Variants in PTPRT observed in about 807,000 individuals in gnomAD.
The protein encoded by PTPRT is receptor-type tyrosine-protein phosphatase T.
Under a neutral mutation model 176.8 loss-of-function variants are expected in PTPRT, and 56 were observed. The ratio of observed to expected loss-of-function variants is 0.32; its 90% CI spans 0.26 to 0.40. The LOEUF is 0.40. PTPRT is among the 10% of genes least tolerant of loss of function. The pLI is 1.00. For synonymous variants in PTPRT, 783 were observed against 739.0 expected, an observed-to-expected ratio of 1.06 and a Z score of -0.96; for missense variants, 1,540 against 1,908.2, an observed-to-expected ratio of 0.81 and a Z score of 3.60.
At chr20:42,168,352 G>A (rs1989921390) in intron 16 of PTPRT, among the ~76,000 whole-genome samples, 2 of 152,174 alleles carry the variant, frequency 1.3e-5, no homozygotes, top group Admixed American at 1.3e-4. Flanking sequence ...GATCATGATT[G>A]ATCATCATCA....
At chr20:43,127,735 C>T (rs2013500379) in intron 1 of PTPRT, among the ~76,000 whole-genome samples, 1 of 152,146 alleles carries the variant, frequency 6.6e-6, no homozygotes, top group Non-Finnish European at 1.5e-5. Flanking sequence ...TCCACCTGGG[C>T]ATTCCAAAGA....
intron 13 of PTPRT, among the ~76,000 whole-genome samples, chr20:42,263,236 T>G (rs1378884708): frequency 6.6e-6 from 1 of 152,070 alleles, no homozygotes; most frequent in African/African-American, 2.4e-5. Flanking sequence ...TTTCTTTTTT[T>G]TGAGACTGGG....
At chr20:42,416,971 A>C (rs2145755687) in intron 9 of PTPRT, among the ~76,000 whole-genome samples, 1 of 152,304 alleles carries the variant, frequency 6.6e-6, no homozygotes, top group East Asian at 1.9e-4. Flanking sequence ...TTAGAGTCTT[A>C]GAAATGCTAT....
chr20:42,484,955 C>T (rs2071442934), intron 7 of PTPRT, among the ~76,000 whole-genome samples: 1 of 152,188 alleles, frequency 6.6e-6, no homozygotes, highest in Non-Finnish European at 1.5e-5. Flanking sequence ...CTCTCTGCCC[C>T]ATCCAGATGC....
intron 17 of PTPRT, among the ~76,000 whole-genome samples, chr20:42,148,954 C>A (rs990712595): frequency 2.0e-5 from 3 of 152,172 alleles, no homozygotes; most frequent in South Asian, 2.1e-4. Context: ...CAAAGCCTCA[C>A]CTCCTTAGGG....
intron 22 of PTPRT, 44 bp from the exon 23 acceptor site, chr20:42,110,531 C>T (rs2146293134): frequency 1.9e-6 from 3 of 1,546,608 alleles, no homozygotes; most frequent in Non-Finnish European, 2.6e-6. Context: ...GCTGCCCTCG[C>T]ATACCCAGCC....
chr20:43,060,466 C>A (rs1987410925), intron 1 of PTPRT, among the ~76,000 whole-genome samples: 1 of 152,176 alleles, frequency 6.6e-6, no homozygotes, highest in Admixed American at 6.5e-5. Flanking sequence ...CCAAGTAACA[C>A]ACATCAGGGG....
chr20:42,409,746 G>T (rs2058995713), intron 9 of PTPRT, among the ~76,000 whole-genome samples: 1 of 152,136 alleles, frequency 6.6e-6, no homozygotes, highest in South Asian at 2.1e-4. Context: ...CATGGCCATG[G>T]GCCAAATTCA....
intron 4 of PTPRT, among the ~76,000 whole-genome samples, chr20:42,773,171 A>G (rs888718763): frequency 6.6e-6 from 1 of 152,208 alleles, no homozygotes; most frequent in Non-Finnish European, 1.5e-5. Flanking sequence ...CAAATATTTT[A>G]TTAAAAGTGA....
chr20:43,027,537 AGAAGAAATTT>A (rs971492019), intron 1 of PTPRT, among the ~76,000 whole-genome samples: 1 of 151,874 alleles, frequency 6.6e-6, no homozygotes, highest in African/African-American at 2.4e-5. Flanking sequence ...CCTTATGAGA[AGAAGAAATTT>A]GGACAGAGAG....
intron 3 of PTPRT, among the ~76,000 whole-genome samples, chr20:42,784,527 G>A (rs988192423): frequency 1.5e-4 from 23 of 152,152 alleles, no homozygotes; most frequent in African/African-American, 5.1e-4. Flanking sequence ...GGAGAGAAGT[G>A]GGATGGGTAA....
chr20:42,538,547 A>T (rs2072517227), intron 7 of PTPRT, among the ~76,000 whole-genome samples: 1 of 152,194 alleles, frequency 6.6e-6, no homozygotes, highest in Non-Finnish European at 1.5e-5. Context: ...CACTAATGTG[A>T]TTAGCAGAAT....
chr20:42,940,578 G>A (rs567326232), intron 1 of PTPRT, among the ~76,000 whole-genome samples: 3 of 152,212 alleles, frequency 2.0e-5, no homozygotes, highest in Admixed American at 1.3e-4. Context: ...TGTTAGGCAC[G>A]TGAGTGATAC....
chr20:42,486,078 C>T (rs945553592), intron 7 of PTPRT, among the ~76,000 whole-genome samples: 2 of 152,146 alleles, frequency 1.3e-5, no homozygotes, highest in Non-Finnish European at 1.5e-5. Flanking sequence ...CACTCACTTG[C>T]GAAGTACCTG....
chr20:42,745,862 CT>C (rs2076684453), intron 6 of PTPRT, among the ~76,000 whole-genome samples: 1 of 152,180 alleles, frequency 6.6e-6, no homozygotes, highest in South Asian at 2.1e-4. Context: ...CTTCAGCATC[CT>C]CAGTGGTAAC....
Position 42,483,815 on chromosome 20 carries a change from T to TA in PTPRT, c.1154-11254dup, listed in dbSNP as rs201781389. 1.0e-3 allele frequency among the ~76,000 whole-genome samples: 157 copies of TA among 152,366 alleles called. 1 individual carries two copies. In the East Asian group the frequency reaches 0.027, roughly 26 times the overall value. On this transcript the variant is annotated intron_variant, in intron 7 of 30. Coordinates refer to ENST00000373187, the MANE Select transcript of PTPRT (RefSeq NM_007050.6). The stretch of plus-strand genomic sequence containing the variant: ...CAAACATGCCCTCTGTATCTTGCTT[T>TA]ACGGTGCTAAGGCTAGGATGGCACA...
intron 9 of PTPRT, among the ~76,000 whole-genome samples, chr20:42,404,972 T>TTTTATATA (rs960312629): frequency 9.0e-5 from 7 of 77,936 alleles, no homozygotes; most frequent in South Asian, 7.0e-4. Flanking sequence ...GGCCAATTAA[T>TTTTATATA]TATATATATA....
intron 7 of PTPRT, among the ~76,000 whole-genome samples, chr20:42,632,465 C>T (rs2145893996): frequency 6.6e-6 from 1 of 151,906 alleles, no homozygotes; most frequent in East Asian, 1.9e-4. Context: ...CTTTGTGATC[C>T]ACTCACCTCG....
At chr20:42,814,644 A>G (rs182443730) in intron 2 of PTPRT, among the ~76,000 whole-genome samples, 247 of 152,352 alleles carry the variant, frequency 1.6e-3, no homozygotes, top group Middle Eastern at 0.01. Context: ...AGCAAATGTC[A>G]TGACTGCCAT....
Sources: gnomAD v4.1 joint callset for allele counts (sites outside exome capture counted in the v4.1 genomes callset) on GRCh38, gnomAD v4.1.1 for gene constraint, MANE v1.5 for transcripts, NCBI Gene and HGNC (gene_info 2026-07-23, HGNC 2026-07-21) for gene names.